KLHL18: variants seen among roughly 807,000 people sequenced by gnomAD.
KLHL18 encodes the protein kelch-like protein 18.
Under a neutral mutation model 58.5 loss-of-function variants are expected in KLHL18, and 38 were observed. That is an observed-to-expected ratio of 0.65 (90% CI 0.50 to 0.85). The LOEUF is 0.85. Among genes scored for constraint, KLHL18 ranks in the 40% least tolerant of loss-of-function variants. The probability of loss-of-function intolerance (pLI) is 0.00; values close to 1 mark genes in which losing one functional copy is unlikely to be tolerated. For synonymous variants in KLHL18, 303 were observed against 301.9 expected (o/e 1.00, Z -0.04); for missense variants, 624 against 778.4 (o/e 0.80, Z 2.36).
chr3:47,312,753 C>G (rs1343509140), intron 1 of KLHL18, among the ~76,000 whole-genome samples: 2 of 152,106 alleles, frequency 1.3e-5, no homozygotes, highest in African/African-American at 4.8e-5. Context: ...TTATGTTGCC[C>G]ACGCTGGCCT....
At chr3:47,299,214 C>A (rs1370725827) in intron 1 of KLHL18, among the ~76,000 whole-genome samples, 3 of 152,146 alleles carry the variant, frequency 2.0e-5, no homozygotes, top group African/African-American at 4.8e-5. Context: ...GGTCAAACAC[C>A]AGTCTAGATG....
At chr3:47,314,675 G>T (rs1703381468) in intron 1 of KLHL18, among the ~76,000 whole-genome samples, 1 of 152,124 alleles carries the variant, frequency 6.6e-6, no homozygotes, top group African/African-American at 2.4e-5. Flanking sequence ...CTGCCTTCCT[G>T]TAATTTTCTA....
rs1703538954 is a variant in KLHL18, at chr3:47,319,659, G to A, written c.136G>A (p.Asp46Asn). Residue 46 changes from aspartate (D) to asparagine (N), a missense_variant, in exon 2 of 10, where the codon GAC becomes AAC. Transcript: ENST00000232766. ...KLCDVTLKIGDHKFSAHRIVL... is the reference protein window; with the variant it reads ...KLCDVTLKIGNHKFSAHRIVL... ...TATTTTACTTTGCCCACAGATTGGGGACCACAAATTCAGTGCCCACCGGAT... is the reference window on the plus strand; with the variant it reads ...TATTTTACTTTGCCCACAGATTGGGAACCACAAATTCAGTGCCCACCGGAT... The A allele has an allele frequency of 6.2e-7, 1 of 1,613,564 alleles. No individual in the cohort carries two copies.
intron 7 of KLHL18, chr3:47,337,053 A>G (rs1032072740): frequency 9.5e-5 from 30 of 315,252 alleles, no homozygotes; most frequent in African/African-American, 6.1e-4. Context: ...AGATTCGAAG[A>G]GGGAGAGAAA....
intron 1 of KLHL18, among the ~76,000 whole-genome samples, chr3:47,313,821 T>C (rs1703361413): frequency 6.6e-6 from 1 of 152,194 alleles, no homozygotes; most frequent in Non-Finnish European, 1.5e-5. Context: ...CATAATTCCT[T>C]CTCTTCACAT....
chr3:47,334,579 C>A lies in KLHL18; in HGVS notation c.762-104C>A. On this transcript the variant is annotated intron_variant, in intron 5 of 9. Transcript: ENST00000232766. The surrounding 1 kb of genome is among the most constrained non-coding windows in gnomAD (Gnocchi z 4.7). ...AGACCTTCCAGAAGGCTTCTCCTCCCAGGTTTCCCCTGCAGTTGGCAGTGG... is the reference window on the plus strand; with the variant it reads ...AGACCTTCCAGAAGGCTTCTCCTCCAAGGTTTCCCCTGCAGTTGGCAGTGG... 7.3e-7 allele frequency: 1 copy of A among 1,369,436 alleles called. No individual in the cohort carries two copies. 84.8% of individuals were successfully genotyped at this position (1,369,436 alleles called of 1,614,324 possible).
intron 1 of KLHL18, among the ~76,000 whole-genome samples, chr3:47,302,708 A>C (rs1559489711): frequency 6.6e-6 from 1 of 152,200 alleles, no homozygotes; most frequent in Non-Finnish European, 1.5e-5. Flanking sequence ...TCAAGGATCA[A>C]CTGTACATTG....
At chr3:47,298,554 GC>G (rs1260334080) in intron 1 of KLHL18, among the ~76,000 whole-genome samples, 1 of 152,034 alleles carries the variant, frequency 6.6e-6, no homozygotes, top group African/African-American at 2.4e-5. Flanking sequence ...CATGAAGATT[GC>G]CCCCTTGGTG....
chr3:47,316,603 G>A (rs6801805), intron 1 of KLHL18, among the ~76,000 whole-genome samples: 2 of 136,088 alleles, frequency 1.5e-5, no homozygotes, highest in African/African-American at 2.9e-5. Flanking sequence ...ACGTATATAT[G>A]TATATGTGTG....
chr3:47,302,306 G>A (rs1390109748), intron 1 of KLHL18, among the ~76,000 whole-genome samples: 2 of 152,102 alleles, frequency 1.3e-5, no homozygotes, highest in Non-Finnish European at 2.9e-5. Context: ...CCAACATGGC[G>A]AAACCCTGTC....
At chr3:47,302,079 G>A (rs1703037499) in intron 1 of KLHL18, among the ~76,000 whole-genome samples, 2 of 152,156 alleles carry the variant, frequency 1.3e-5, no homozygotes, top group Admixed American at 1.3e-4. Context: ...GGGATTACAG[G>A]CGTGAACCTT....
At chr3:47,324,294 C>CTTTATTTTTTTT (rs1559498832) in intron 3 of KLHL18, among the ~76,000 whole-genome samples, 1 of 10,616 alleles carries the variant, frequency 9.4e-5, no homozygotes, top group Non-Finnish European at 2.8e-4. Flanking sequence ...CTTTTTCTTT[C>CTTTATTTTTTTT]TTTCTTTTTT....
chr3:47,304,283 T>A (rs975751175), intron 1 of KLHL18, among the ~76,000 whole-genome samples: 20 of 152,100 alleles, frequency 1.3e-4, no homozygotes, highest in African/African-American at 4.8e-4. Flanking sequence ...GGTGGGAGGA[T>A]CAGTTGAGGC....
intron 1 of KLHL18, among the ~76,000 whole-genome samples, chr3:47,295,677 C>A (rs1363124734): frequency 6.6e-6 from 1 of 151,888 alleles, no homozygotes; most frequent in African/African-American, 2.4e-5. Flanking sequence ...AAGTGATCTT[C>A]CCACCTCAGC....
At chr3:47,314,369 A>G (rs1258971263) in intron 1 of KLHL18, among the ~76,000 whole-genome samples, 1 of 152,254 alleles carries the variant, frequency 6.6e-6, no homozygotes, top group Middle Eastern at 3.2e-3. Context: ...TTTCACAAAA[A>G]TGTAGTATCA....
intron 1 of KLHL18, among the ~76,000 whole-genome samples, chr3:47,284,336 T>C (rs1263273339): frequency 1.5e-5 from 2 of 135,140 alleles, no homozygotes; most frequent in African/African-American, 2.6e-5. Context: ...TTTTCTTTTT[T>C]CTTTTTTTTT....
intron 1 of KLHL18, among the ~76,000 whole-genome samples, chr3:47,315,698 G>A (rs1478163864): frequency 6.6e-6 from 1 of 152,160 alleles, no homozygotes; most frequent in Non-Finnish European, 1.5e-5. Context: ...CTAGCCAAGT[G>A]TCACCAGACA....
At chr3:47,325,080 T>C (rs1703683402) in intron 3 of KLHL18, among the ~76,000 whole-genome samples, 1 of 152,168 alleles carries the variant, frequency 6.6e-6, no homozygotes, top group South Asian at 2.1e-4. Context: ...ATTGTCTCTG[T>C]TCCTTGGAAT....
chr3:47,316,582 T>C (rs1703439519), intron 1 of KLHL18, among the ~76,000 whole-genome samples: 6 of 139,558 alleles, frequency 4.3e-5, no homozygotes, highest in African/African-American at 1.4e-4. Flanking sequence ...TGTGTATATA[T>C]ATACATATAT....
Sources: gnomAD v4.1 joint callset for allele counts (sites outside exome capture counted in the v4.1 genomes callset) on GRCh38, gnomAD v4.1.1 for gene constraint, Gnocchi (gnomAD v3.1) non-coding constraint, MANE v1.5 for transcripts, NCBI Gene and HGNC (gene_info 2026-07-23, HGNC 2026-07-21) for gene names.